Variants in CPEB3 observed in about 807,000 individuals in gnomAD.
CPEB3 encodes the protein cytoplasmic polyadenylation element-binding protein 3.
A neutral mutation model predicts 67.2 loss-of-function variants in CPEB3; 20 were observed. That is an observed-to-expected ratio of 0.30 (90% CI 0.21 to 0.43). The LOEUF is 0.43. Ranked by LOEUF, CPEB3 falls within the 20% of genes least tolerant of loss-of-function variation. The pLI is 1.00. For synonymous variants in CPEB3, 376 were observed against 393.1 expected, an observed-to-expected ratio of 0.96 and a Z score of 0.51; for missense variants, 746 against 968.6, an observed-to-expected ratio of 0.77 and a Z score of 3.05.
At chr10:92,162,198 G>C (rs1590273342) in intron 4 of CPEB3, among the ~76,000 whole-genome samples, 1 of 151,268 alleles carries the variant, frequency 6.6e-6, no homozygotes, top group East Asian at 1.9e-4. Flanking sequence ...AAGCAATTTA[G>C]AGCCCATACG....
intron 1 of CPEB3, among the ~76,000 whole-genome samples, chr10:92,274,158 T>C (rs1841870863): frequency 6.6e-6 from 1 of 152,190 alleles, no homozygotes; most frequent in Admixed American, 6.5e-5. Flanking sequence ...ATGAAAGACA[T>C]ATCCACCAAC....
chr10:92,189,199 A>G (rs1590341019), intron 3 of CPEB3, among the ~76,000 whole-genome samples: 3 of 152,216 alleles, frequency 2.0e-5, no homozygotes, highest in African/African-American at 7.2e-5. Context: ...TTACAATTGG[A>G]AAACCAAAAT....
intron 9 of CPEB3, among the ~76,000 whole-genome samples, chr10:92,059,970 AT>A (rs1842276679): frequency 1.3e-5 from 2 of 151,698 alleles, no homozygotes; most frequent in African/African-American, 2.4e-5. Context: ...AAAAAAAAAA[AT>A]CAATCATATC....
intron 6 of CPEB3, among the ~76,000 whole-genome samples, chr10:92,132,126 C>T (rs1437766547): frequency 6.6e-6 from 1 of 152,152 alleles, no homozygotes; most frequent in Non-Finnish European, 1.5e-5. Flanking sequence ...AAAACCATAT[C>T]TCAAGTCAAA....
intron 1 of CPEB3, among the ~76,000 whole-genome samples, chr10:92,246,649 C>T (rs988409703): frequency 2.6e-5 from 4 of 151,856 alleles, no homozygotes; most frequent in African/African-American, 9.7e-5. Flanking sequence ...GCTGGGGTTT[C>T]AGGCACCCAC....
intron 2 of CPEB3, among the ~76,000 whole-genome samples, chr10:92,214,337 G>A (rs931567512): frequency 6.6e-6 from 1 of 152,146 alleles, no homozygotes; most frequent in African/African-American, 2.4e-5. Flanking sequence ...GAAGCAGAGA[G>A]GAGCCCTCAC....
At chr10:92,109,206 A>T (rs1844611492) in intron 7 of CPEB3, among the ~76,000 whole-genome samples, 1 of 151,732 alleles carries the variant, frequency 6.6e-6, no homozygotes, top group South Asian at 2.1e-4. Context: ...GGCTCTCTGG[A>T]GGTTGAGAAT....
At chr10:92,154,734 A>G (rs977577592) in intron 4 of CPEB3, among the ~76,000 whole-genome samples, 22 of 152,204 alleles carry the variant, frequency 1.4e-4, no homozygotes, top group African/African-American at 5.3e-4. Context: ...CTAAGGAGAA[A>G]CACATACTAG....
At chr10:92,222,112 G>A (rs1057443786) in intron 2 of CPEB3, among the ~76,000 whole-genome samples, 3 of 151,702 alleles carry the variant, frequency 2.0e-5, no homozygotes, top group Non-Finnish European at 4.4e-5. Flanking sequence ...TTCAACAGCC[G>A]TGACCAATAA....
At chr10:92,256,275 T>C (rs796739396) in intron 1 of CPEB3, among the ~76,000 whole-genome samples, 3 of 152,284 alleles carry the variant, frequency 2.0e-5, no homozygotes, top group African/African-American at 7.2e-5. Flanking sequence ...CTTCCAAATG[T>C]GGCCTCCATA....
intron 1 of CPEB3, among the ~76,000 whole-genome samples, chr10:92,260,071 C>T (rs1852723501): frequency 6.6e-6 from 1 of 152,160 alleles, no homozygotes; most frequent in African/African-American, 2.4e-5. Flanking sequence ...TCCATGAAGA[C>T]CAGGAGATAG....
chr10:92,228,991 C>G (rs1019722401), intron 2 of CPEB3, among the ~76,000 whole-genome samples: 6 of 152,086 alleles, frequency 3.9e-5, no homozygotes, highest in Admixed American at 3.9e-4. Context: ...GGATTACAGA[C>G]GTGAGCCACC....
intron 2 of CPEB3, among the ~76,000 whole-genome samples, chr10:92,205,209 A>T (rs552296659): frequency 6.6e-6 from 1 of 152,212 alleles, no homozygotes; most frequent in Non-Finnish European, 1.5e-5. Flanking sequence ...TATCCCTGAC[A>T]AAGTAATGCT....
chr10:92,096,233 T>C (rs1843871659), intron 7 of CPEB3, among the ~76,000 whole-genome samples: 1 of 152,100 alleles, frequency 6.6e-6, no homozygotes, highest in Non-Finnish European at 1.5e-5. Context: ...AAAACTATAG[T>C]AGAACGACTA....
intron 1 of CPEB3, among the ~76,000 whole-genome samples, chr10:92,248,667 G>C (rs1035888934): frequency 5.3e-5 from 8 of 152,162 alleles, no homozygotes; most frequent in Non-Finnish European, 1.5e-5. Context: ...GGGAAGGGGA[G>C]TGGTATAAAA....
intron 1 of CPEB3, among the ~76,000 whole-genome samples, chr10:92,244,365 T>G (rs1851971714): frequency 6.6e-6 from 1 of 151,774 alleles, no homozygotes; most frequent in Non-Finnish European, 1.5e-5. Flanking sequence ...AAACTAATAA[T>G]AATAACAATT....
intron 1 of CPEB3, among the ~76,000 whole-genome samples, chr10:92,248,890 C>T (rs1852177414): frequency 6.6e-6 from 1 of 152,188 alleles, no homozygotes; most frequent in Non-Finnish European, 1.5e-5. Context: ...TCTGGATATA[C>T]AGTCATGCAT....
At chr10:92,124,652 G>C (rs890156472) in intron 6 of CPEB3, among the ~76,000 whole-genome samples, 5 of 151,734 alleles carry the variant, frequency 3.3e-5, no homozygotes, top group Non-Finnish European at 7.4e-5. Flanking sequence ...AAAAGATGAC[G>C]AACTGCAAAA....
intron 4 of CPEB3, among the ~76,000 whole-genome samples, chr10:92,146,896 T>G (rs1384043000): frequency 6.6e-6 from 1 of 152,206 alleles, no homozygotes; most frequent in African/African-American, 2.4e-5. Flanking sequence ...AGACATCCAG[T>G]GACGTTCTCC....
Sources: gnomAD v4.1 joint callset for allele counts (sites outside exome capture counted in the v4.1 genomes callset) on GRCh38, gnomAD v4.1.1 for gene constraint, MANE v1.5 for transcripts, NCBI Gene and HGNC (gene_info 2026-07-23, HGNC 2026-07-21) for gene names.